The following CYP46A1 variants were observed in gnomAD, a reference collection of about 807,000 sequenced individuals.
The protein encoded by CYP46A1 is cytochrome P450 family 46 subfamily A member 1.
Under a neutral mutation model 63.3 loss-of-function variants are expected in CYP46A1, and 20 were observed. The observed-to-expected ratio is 0.32, with a 90% CI of 0.22 to 0.46. CYP46A1 has a LOEUF of 0.46. Ranked by LOEUF, CYP46A1 falls within the 20% of genes least tolerant of loss-of-function variation. CYP46A1 has a pLI of 1.00. For synonymous variants in CYP46A1, 268 were observed against 273.6 expected, an observed-to-expected ratio of 0.98 and a Z score of 0.20; for missense variants, 445 against 670.8, an observed-to-expected ratio of 0.66 and a Z score of 3.72.
At chr14:99,718,249 C>T (rs1281034309) in intron 10 of CYP46A1, 123 bp downstream of exon 10, 12 of 780,256 alleles carry the variant, frequency 1.5e-5, no homozygotes, top group Non-Finnish European at 2.6e-5. Context: ...TGGGCCTTGG[C>T]ACATGCTGTT....
intron 6 of CYP46A1, 119 bp from the exon 7 acceptor site, chr14:99,707,449 T>C: frequency 1.4e-6 from 1 of 702,860 alleles, no homozygotes; most frequent in Non-Finnish European, 2.5e-6. Context: ...GCTGATGATA[T>C]GATGCATATA....
chr14:99,694,519 A>C (rs1403683254), intron 3 of CYP46A1, among the ~76,000 whole-genome samples: 1 of 137,086 alleles, frequency 7.3e-6, no homozygotes, highest in Non-Finnish European at 1.6e-5. Flanking sequence ...TTTCTTTTTG[A>C]GATGAAGTCT....
At chr14:99,685,301 G>GCCCC (rs2056483486) in intron 1 of CYP46A1, among the ~76,000 whole-genome samples, 1 of 19,122 alleles carries the variant, frequency 5.2e-5, no homozygotes, top group African/African-American at 1.4e-4. Flanking sequence ...TCTTCTCCCA[G>GCCCC]CCTCCCCCTC....
At position 99,725,274 on chromosome 14, in the gene CYP46A1, G is replaced by C. The variant is rs949059023; in HGVS notation, c.1177-117G>C. On this transcript the variant is annotated intron_variant, in intron 12 of 14. Coordinates refer to ENST00000261835, the MANE Select transcript of CYP46A1 (RefSeq NM_006668.2). The surrounding 1 kb of genome is among the most constrained non-coding windows in gnomAD (Gnocchi z 4.2). ...ACCTAGATGAGGGGTGAAGACATGG[G>C]GGGAGGAGAGTGGGACCCACTCTGC... The C allele has an allele frequency of 5.5e-6, 4 of 733,528 alleles. No individual in the cohort carries two copies. The highest frequency in any genetic ancestry group is 4.3e-5 in the Admixed American group (2 of 46,776). 45.4% of individuals were successfully genotyped at this position (733,528 alleles called of 1,614,324 possible). A position where few individuals can be genotyped will look rare whatever the true frequency, so the allele number is the denominator to read the frequency against.
Position 99,726,374 on chromosome 14 carries a change from C to T in CYP46A1, c.1332+118C>T, listed in dbSNP as rs966022437. ...GGGCTGCTGGGCTGTGGGCTCGGGA[C>T]CCAGCGGAGCCAGACCCAGAGGACT... is the stretch of plus-strand genomic sequence containing the variant. On this transcript the variant is annotated intron_variant, in intron 14 of 14. Coordinates refer to ENST00000261835, the MANE Select transcript of CYP46A1 (RefSeq NM_006668.2). 3 of 1,062,402 alleles carry T rather than the reference C, an allele frequency of 2.8e-6. No individual in the cohort carries two copies. The East Asian group carries it at 8.5e-5, about 30-fold the overall frequency. The allele number at this position is 1,062,402 out of a possible 1,614,324, so 65.8% of individuals were successfully genotyped here.
chr14:99,724,951 G>A (rs1444130012), intron 12 of CYP46A1, among the ~76,000 whole-genome samples: 1 of 152,216 alleles, frequency 6.6e-6, no homozygotes, highest in Admixed American at 6.5e-5. Context: ...GCTGAAGTAG[G>A]CCTTGAGTTG....
At chr14:99,724,357 A>G (rs11847090) in intron 12 of CYP46A1, among the ~76,000 whole-genome samples, 1 of 152,042 alleles carries the variant, frequency 6.6e-6, no homozygotes, top group Non-Finnish European at 1.5e-5. Context: ...TGCCTCCTCC[A>G]GCATCCATCC....
chr14:99,707,199 A>G (rs1442803024), intron 6 of CYP46A1, among the ~76,000 whole-genome samples: 1 of 152,196 alleles, frequency 6.6e-6, no homozygotes, highest in Admixed American at 6.5e-5. Flanking sequence ...CAGGTCAGGG[A>G]ACTGCAGTGT....
chr14:99,717,709 A>G (rs2056803283), intron 9 of CYP46A1: 1 of 243,718 alleles, frequency 4.1e-6, no homozygotes, highest in African/African-American at 2.2e-5. Flanking sequence ...CCACCCCCTC[A>G]TAGAACCTCA....
chr14:99,685,515 C>A (rs879571306), intron 1 of CYP46A1, among the ~76,000 whole-genome samples: 1 of 151,788 alleles, frequency 6.6e-6, no homozygotes, highest in African/African-American at 2.4e-5. Flanking sequence ...TGACTGTCTC[C>A]CCCTCTAGAA....
intron 9 of CYP46A1, among the ~76,000 whole-genome samples, chr14:99,716,524 C>A (rs1300933156): frequency 6.6e-6 from 1 of 152,224 alleles, no homozygotes; most frequent in African/African-American, 2.4e-5. Context: ...AGATGCTAAG[C>A]AGCTTCATTC....
Position 99,726,693 on chromosome 14 carries a change from G to A in CYP46A1, c.1469G>A (p.Gly490Asp), listed in dbSNP as rs763189041. Residue 490 changes from glycine (G) to aspartate (D), a missense_variant, in exon 15 of 15, where the codon GGC becomes GAC. Around this residue, in one of 4 missense-constraint regions of CYP46A1, gnomAD observed 85 missense variants for 80.1 expected, o/e 1.06. Coordinates refer to ENST00000261835, the MANE Select transcript of CYP46A1 (RefSeq NM_006668.2). ...GTGCTGTGCACCCTGCGGCCCCGCGGCTGGCAGCCCGCACCCCCACCACCC... is the reference window on the plus strand; with the variant it reads ...GTGCTGTGCACCCTGCGGCCCCGCGACTGGCAGCCCGCACCCCCACCACCC... ...DPVLCTLRPR[G>D]WQPAPPPPPC 1.3e-6 allele frequency: 2 copies of A among 1,544,890 alleles called. No individual in the cohort carries two copies. Among genetic ancestry groups the A allele is most frequent in the South Asian group, 1.2e-5 (1 of 83,510 alleles).
chr14:99,695,204 C>A (rs1381289095), intron 3 of CYP46A1, among the ~76,000 whole-genome samples: 1 of 152,074 alleles, frequency 6.6e-6, no homozygotes, highest in Non-Finnish European at 1.5e-5. Flanking sequence ...TGTTTTATGG[C>A]CCAGCATATG....
At chr14:99,692,845 A>T (rs990022746) in intron 3 of CYP46A1, among the ~76,000 whole-genome samples, 3 of 152,116 alleles carry the variant, frequency 2.0e-5, no homozygotes, top group Admixed American at 2.0e-4. Context: ...AAGAAAAAAA[A>T]AAAGAAGTGA....
chr14:99,706,623 T>C (rs775830172), intron 5 of CYP46A1, 24 bp from the exon 6 acceptor site: 21 of 1,612,822 alleles, frequency 1.3e-5, no homozygotes, highest in Middle Eastern at 3.5e-4. Context: ...CCAGTGGCCG[T>C]TGATGCCTGT....
intron 5 of CYP46A1, among the ~76,000 whole-genome samples, chr14:99,702,239 C>T (rs2056637953): frequency 6.6e-6 from 1 of 152,090 alleles, no homozygotes; most frequent in Admixed American, 6.6e-5. Context: ...CTTTCATTAG[C>T]ATCTTGTTTC....
intron 1 of CYP46A1, among the ~76,000 whole-genome samples, chr14:99,690,833 C>G (rs570802662): frequency 9.9e-5 from 15 of 152,270 alleles, no homozygotes; most frequent in East Asian, 9.6e-4. Context: ...CTGCCAGCCC[C>G]CAACTTCTGT....
chr14:99,697,709 C>T (rs1043623853), intron 3 of CYP46A1, among the ~76,000 whole-genome samples: 66 of 152,212 alleles, frequency 4.3e-4, no homozygotes, highest in African/African-American at 1.1e-3. Flanking sequence ...GTGTGTGTGA[C>T]CAGAGGAAGC....
intron 4 of CYP46A1, 27 bp from the exon 5 acceptor site, chr14:99,699,988 C>A: frequency 2.9e-6 from 2 of 696,926 alleles, no homozygotes; most frequent in Non-Finnish European, 4.4e-6. Flanking sequence ...CACCCTCTTT[C>A]CCGCATCACG....
Sources: gnomAD v4.1 joint callset for allele counts (sites outside exome capture counted in the v4.1 genomes callset) on GRCh38, gnomAD v4.1.1 for gene constraint, gnomAD v4.1.1 regional missense constraint, Gnocchi (gnomAD v3.1) non-coding constraint, MANE v1.5 for transcripts, NCBI Gene and HGNC (gene_info 2026-07-23, HGNC 2026-07-21) for gene names.